The following CSMD3 variants were observed in gnomAD, a reference collection of about 807,000 sequenced individuals.
CSMD3 encodes CUB and sushi domain-containing protein 3.
CSMD3 carries 177 observed loss-of-function variants against 435.2 expected under a neutral mutation model. That is an observed-to-expected ratio of 0.41 (90% CI 0.36 to 0.46). CSMD3 has a LOEUF of 0.46. Ranked by LOEUF, CSMD3 falls within the 20% of genes least tolerant of loss-of-function variation. The pLI is 0.34. For synonymous variants in CSMD3, 1,656 were observed against 1,520.5 expected, an observed-to-expected ratio of 1.09 and a Z score of -2.07; for missense variants, 4,265 against 4,504.6, an observed-to-expected ratio of 0.95 and a Z score of 1.52.
chr8:112,928,632 G>C (rs1372404005), intron 9 of CSMD3, among the ~76,000 whole-genome samples: 1 of 149,720 alleles, frequency 6.7e-6, no homozygotes, highest in African/African-American at 2.5e-5. Flanking sequence ...ATTTTTTATG[G>C]CTGCATAGTA....
intron 13 of CSMD3, among the ~76,000 whole-genome samples, chr8:112,723,430 C>T (rs2076902915): frequency 6.6e-6 from 1 of 152,140 alleles, no homozygotes; most frequent in Admixed American, 6.6e-5. Flanking sequence ...TGTCACATCT[C>T]ACACTCTTGA....
intron 32 of CSMD3, among the ~76,000 whole-genome samples, chr8:112,467,212 G>A (rs977414559): frequency 6.6e-6 from 1 of 152,156 alleles, no homozygotes; most frequent in Admixed American, 6.5e-5. Flanking sequence ...AATAATAAAA[G>A]ATAGGTGAGA....
chr8:112,982,941 A>T (rs1290969475), intron 6 of CSMD3, among the ~76,000 whole-genome samples: 1 of 152,018 alleles, frequency 6.6e-6, no homozygotes, highest in Non-Finnish European at 1.5e-5. Flanking sequence ...CTTTTGTTTT[A>T]TATTTCATGT....
At chr8:113,349,476 A>G (rs1159856573) in intron 1 of CSMD3, among the ~76,000 whole-genome samples, 1 of 152,090 alleles carries the variant, frequency 6.6e-6, no homozygotes, top group Non-Finnish European at 1.5e-5. Context: ...CAGGAATACA[A>G]AAAGAAAAAA....
At chr8:112,715,141 T>C (rs1037394056) in intron 13 of CSMD3, among the ~76,000 whole-genome samples, 15 of 152,090 alleles carry the variant, frequency 9.9e-5, no homozygotes, top group African/African-American at 3.4e-4. Flanking sequence ...ATGAGCTGGT[T>C]TTTGAAAAAA....
chr8:112,305,926 A>G (rs1011432896), intron 51 of CSMD3, 81 bp downstream of exon 51: 33 of 1,235,242 alleles, frequency 2.7e-5, no homozygotes, highest in Non-Finnish European at 3.7e-5. Flanking sequence ...ATTGGTTTTT[A>G]TAATTCTAAA....
chr8:112,463,485 G>A (rs987120928), intron 32 of CSMD3, among the ~76,000 whole-genome samples: 3 of 152,182 alleles, frequency 2.0e-5, no homozygotes, highest in Non-Finnish European at 4.4e-5. Context: ...TTTTCTCTTG[G>A]TAACTGGCTC....
At chr8:112,817,648 T>C (rs1204998174) in intron 12 of CSMD3, among the ~76,000 whole-genome samples, 3 of 151,184 alleles carry the variant, frequency 2.0e-5, no homozygotes, top group Non-Finnish European at 4.4e-5. Context: ...GGTGTGAAAA[T>C]GAACACAGAG....
At chr8:112,505,831 C>T (rs963885617) in intron 29 of CSMD3, among the ~76,000 whole-genome samples, 1 of 151,986 alleles carries the variant, frequency 6.6e-6, no homozygotes, top group Non-Finnish European at 1.5e-5. Flanking sequence ...TATGTTAAGG[C>T]TCTTTAAAAT....
chr8:112,623,639 A>G (rs1412012532), intron 22 of CSMD3, among the ~76,000 whole-genome samples: 1 of 149,832 alleles, frequency 6.7e-6, no homozygotes, highest in Non-Finnish European at 1.5e-5. Flanking sequence ...AGCATTAGGT[A>G]TATCTCCCAG....
intron 9 of CSMD3, among the ~76,000 whole-genome samples, chr8:112,928,150 A>G (rs2130684871): frequency 6.6e-6 from 1 of 152,248 alleles, no homozygotes; most frequent in Non-Finnish European, 1.5e-5. Flanking sequence ...AGTATACTCA[A>G]AAATAGTGTA....
intron 12 of CSMD3, among the ~76,000 whole-genome samples, chr8:112,808,398 G>C (rs578206030): frequency 6.6e-6 from 1 of 152,192 alleles, no homozygotes; most frequent in African/African-American, 2.4e-5. Context: ...TTAGCTGAGA[G>C]AGCCGGACAG....
chr8:112,434,731 A>G lies in CSMD3; in HGVS notation c.5396-25699T>C, dbSNP rs143601923. Among the ~76,000 whole-genome samples, 411 of 152,226 alleles carry G rather than the reference A, an allele frequency of 2.7e-3. 1 individual carries two copies. The highest frequency in any genetic ancestry group is 9.6e-3 in the African/African-American group (397 of 41,552). ...GAACCATCAATGTGTTCACAAGGAT[A>G]CATTGTTTTATAAAATTTGCAAAAA... On this transcript the variant is annotated intron_variant, in intron 32 of 70. Transcript: ENST00000297405.
At chr8:112,617,508 T>C (rs1049582596) in intron 22 of CSMD3, among the ~76,000 whole-genome samples, 6 of 152,152 alleles carry the variant, frequency 3.9e-5, no homozygotes, top group South Asian at 2.1e-4. Context: ...GTAAAGTACA[T>C]GGCAGTTTCA....
At chr8:112,441,147 T>C (rs1304744152) in intron 32 of CSMD3, among the ~76,000 whole-genome samples, 1 of 152,094 alleles carries the variant, frequency 6.6e-6, no homozygotes, top group Non-Finnish European at 1.5e-5. Context: ...CCAGATACCA[T>C]ATATCATCTC....
rs867267853 is a variant in CSMD3, at chr8:112,518,633, A to T, written c.4565-1408T>A. On this transcript the variant is annotated intron_variant, in intron 27 of 70. Transcript: ENST00000297405. ...GTGTGTGTGTGTGTGTGTGTGTGAGAGAGAGAGAGAGAGAGAGAGAGAGGG... is the reference window on the plus strand; with the variant it reads ...GTGTGTGTGTGTGTGTGTGTGTGAGTGAGAGAGAGAGAGAGAGAGAGAGGG... Among the ~76,000 whole-genome samples, 495 of 146,618 alleles carry T rather than the reference A, an allele frequency of 3.4e-3. 1 individual carries two copies. The highest frequency in any genetic ancestry group is 0.012 in the African/African-American group (472 of 39,210).
Position 112,287,136 on chromosome 8 carries a change from T to G in CSMD3, c.9259A>C (p.Ile3087Leu). Residue 3087 changes from isoleucine (I) to leucine (L), a missense_variant, in exon 58 of 71, where the codon ATC becomes CTC. Coordinates refer to ENST00000297405, the MANE Select transcript of CSMD3 (RefSeq NM_198123.2). ...GTTCTTTCTTCTGAGCCATGAAGGA[T>G]GTAACCAGTATCACAAGCATAACGT... ...TVRYACDTGY[I>L]LHGSEERTCL... 1 of 1,613,820 alleles carries G rather than the reference T, an allele frequency of 6.2e-7. No individual in the cohort carries two copies. The highest frequency in any genetic ancestry group is 8.5e-7 in the Non-Finnish European group (1 of 1,179,840).
intron 3 of CSMD3, among the ~76,000 whole-genome samples, chr8:113,228,024 C>G (rs1241765447): frequency 6.6e-6 from 1 of 151,500 alleles, no homozygotes; most frequent in African/African-American, 2.4e-5. Context: ...AATTTCACCT[C>G]TCTTACAACA....
Position 112,326,883 on chromosome 8 carries a change from G to T in CSMD3, c.7166-6902C>A, listed in dbSNP as rs577884518. Reference sequence around the variant, plus strand: ...CTAAAAATACAAAAATTAGACAGGTGTGGCGGTGCATGCCTGTAATCCCAG... The same window carrying T: ...CTAAAAATACAAAAATTAGACAGGTTTGGCGGTGCATGCCTGTAATCCCAG... On this transcript the variant is annotated intron_variant, in intron 45 of 70. Coordinates refer to ENST00000297405, the MANE Select transcript of CSMD3 (RefSeq NM_198123.2). 6.6e-5 allele frequency among the ~76,000 whole-genome samples: 10 copies of T among 152,184 alleles called. No individual in the cohort carries two copies. In the South Asian group the frequency reaches 1.9e-3, roughly 28 times the overall value.
Sources: allele counts gnomAD v4.1 joint callset (sites outside exome capture counted in the v4.1 genomes callset), GRCh38; gene constraint gnomAD v4.1.1; transcripts MANE v1.5; gene names NCBI Gene and HGNC (gene_info 2026-07-23, HGNC 2026-07-21).